ST8SIA4: variants seen among roughly 807,000 people sequenced by gnomAD.
The protein encoded by ST8SIA4 is ST8 alpha-N-acetyl-neuraminide alpha-2,8-sialyltransferase 4, also known as CMP-N-acetylneuraminate-poly-alpha-2,8-sialyltransferase.
A neutral mutation model predicts 33.9 loss-of-function variants in ST8SIA4; 15 were observed. The ratio of observed to expected loss-of-function variants is 0.44; its 90% CI spans 0.30 to 0.68. ST8SIA4 has a LOEUF of 0.68. ST8SIA4 is among the 30% of genes least tolerant of loss of function. The pLI, the probability that ST8SIA4 is intolerant of heterozygous loss-of-function variation, is 0.10. For missense variants in ST8SIA4, 321 were observed against 428.0 expected, an observed-to-expected ratio of 0.75 and a Z score of 2.21; for synonymous variants, 171 against 151.2, an observed-to-expected ratio of 1.13 and a Z score of -0.96.
At position 100,902,950 on chromosome 5, in the gene ST8SIA4, G is replaced by A. The variant is rs775364364; in HGVS notation, c.6C>T (p.Arg2=). The change falls in exon 1 of 5, where the codon CGC becomes CGT. Residue 2 remains arginine, a synonymous_variant. Coordinates refer to ENST00000231461, the MANE Select transcript of ST8SIA4 (RefSeq NM_005668.6). M[R]SIRKRWTICT... ...AGATCGTCCACCTCTTCCTAATGGAGCGCATCTTGGGTGCCCGAGAAAGTC... is the reference window on the plus strand; with the variant it reads ...AGATCGTCCACCTCTTCCTAATGGAACGCATCTTGGGTGCCCGAGAAAGTC... 12 of 1,613,946 alleles carry A rather than the reference G, an allele frequency of 7.4e-6. No homozygotes were observed. The highest frequency in any genetic ancestry group is 1.7e-5 in the Admixed American group (1 of 60,026).
intron 3 of ST8SIA4, among the ~76,000 whole-genome samples, chr5:100,867,503 G>A (rs1297874174): frequency 2.6e-5 from 4 of 151,954 alleles, no homozygotes; most frequent in African/African-American, 9.7e-5. Flanking sequence ...ACCCATGATA[G>A]AAAACTAAGG....
rs1750728646 is a variant in ST8SIA4, at chr5:100,807,939, A to G, written c.*3908T>C. 2.0e-5 allele frequency: 3 copies of G among 152,558 alleles called. No homozygotes were observed. Among genetic ancestry groups the G allele is most frequent in the African/African-American group, 7.2e-5 (3 of 41,444 alleles). The allele number at this position is 152,558 out of a possible 1,614,324, so 9.5% of individuals were successfully genotyped here. On this transcript the variant is annotated 3_prime_UTR_variant, in exon 5 of 5. Coordinates refer to ENST00000231461, the MANE Select transcript of ST8SIA4 (RefSeq NM_005668.6). The stretch of plus-strand genomic sequence containing the variant: ...GCTTTATTTGGATTTTCTTTCATCA[A>G]ATACAAATAATAACCCTCACTCAAT...
chr5:100,893,657 C>T (rs939822794), intron 2 of ST8SIA4, among the ~76,000 whole-genome samples: 41 of 151,990 alleles, frequency 2.7e-4, no homozygotes, highest in Non-Finnish European at 5.0e-4. Flanking sequence ...TTTTATATAG[C>T]TATTAGGAAA....
intron 3 of ST8SIA4, among the ~76,000 whole-genome samples, chr5:100,859,164 CATT>C (rs1253723036): frequency 2.0e-5 from 3 of 152,042 alleles, no homozygotes; most frequent in Non-Finnish European, 2.9e-5. Flanking sequence ...AGCATCCAAA[CATT>C]ACTAGCAGCA....
At chr5:100,873,420 A>T (rs1478776585) in intron 3 of ST8SIA4, among the ~76,000 whole-genome samples, 3 of 152,114 alleles carry the variant, frequency 2.0e-5, no homozygotes, top group South Asian at 2.1e-4. Context: ...ACAAAAAAAA[A>T]TGTTATGTAG....
chr5:100,876,207 T>C (rs1463087528), intron 3 of ST8SIA4, among the ~76,000 whole-genome samples: 3 of 152,118 alleles, frequency 2.0e-5, no homozygotes, highest in Non-Finnish European at 4.4e-5. Context: ...CATTCTTTCA[T>C]ACAGAATCTC....
At chr5:100,885,544 T>C (rs962182932) in intron 3 of ST8SIA4, 7 of 931,444 alleles carry the variant, frequency 7.5e-6, no homozygotes, top group Non-Finnish European at 9.0e-6. Flanking sequence ...TCTATCTATC[T>C]TTATATTGTA....
chr5:100,897,252 T>C (rs931352680), intron 1 of ST8SIA4, among the ~76,000 whole-genome samples: 13 of 152,122 alleles, frequency 8.5e-5, no homozygotes, highest in African/African-American at 2.9e-4. Flanking sequence ...TCATGTGGCA[T>C]GGTACTAGCT....
Position 100,881,687 on chromosome 5 carries a change from A to G in ST8SIA4, c.503+4656T>C, listed in dbSNP as rs1478560692. On this transcript the variant is annotated intron_variant, in intron 3 of 4. Transcript: ENST00000231461. ...GGTCCCCACCCAAATCTCATCTTGC[A>G]TTGTATTCCCATAATTCCCACATAT... Among the ~76,000 whole-genome samples the G allele has an allele frequency of 3.3e-5, 5 of 152,204 alleles. No homozygotes were observed. In the South Asian group the frequency reaches 6.2e-4, roughly 19 times the overall value.
chr5:100,815,109 A>C (rs969198376), intron 4 of ST8SIA4, among the ~76,000 whole-genome samples: 5 of 151,932 alleles, frequency 3.3e-5, no homozygotes, highest in African/African-American at 1.2e-4. Flanking sequence ...AATTTAGCAA[A>C]ATTTTACATT....
At chr5:100,822,886 C>T (rs544152725) in intron 4 of ST8SIA4, among the ~76,000 whole-genome samples, 7 of 152,244 alleles carry the variant, frequency 4.6e-5, no homozygotes, top group Non-Finnish European at 7.4e-5. Context: ...AATCCCAGCA[C>T]TTTGGGAGAC....
chr5:100,816,012 G>C (rs973779529), intron 4 of ST8SIA4, among the ~76,000 whole-genome samples: 1 of 152,140 alleles, frequency 6.6e-6, no homozygotes, highest in African/African-American at 2.4e-5. Flanking sequence ...TTATTGGCTG[G>C]ACAATTGTGG....
intron 4 of ST8SIA4, among the ~76,000 whole-genome samples, chr5:100,840,246 A>T (rs1024032352): frequency 1.3e-5 from 2 of 151,786 alleles, no homozygotes; most frequent in Non-Finnish European, 1.5e-5. Context: ...TTTTAACAAG[A>T]TTGTAGTGCT....
chr5:100,852,903 C>A (rs1751735631), intron 4 of ST8SIA4, among the ~76,000 whole-genome samples: 2 of 152,158 alleles, frequency 1.3e-5, no homozygotes, highest in African/African-American at 4.8e-5. Flanking sequence ...TCTTGTTTTA[C>A]AAATCACTGA....
intron 4 of ST8SIA4, among the ~76,000 whole-genome samples, chr5:100,814,752 C>T (rs986360904): frequency 3.9e-5 from 6 of 151,904 alleles, no homozygotes; most frequent in East Asian, 1.9e-4. Context: ...TATTGCAATT[C>T]GGTATTAAAC....
chr5:100,882,580 G>A (rs948498911), intron 3 of ST8SIA4, among the ~76,000 whole-genome samples: 3 of 152,226 alleles, frequency 2.0e-5, no homozygotes, highest in Non-Finnish European at 4.4e-5. Flanking sequence ...AGACAATGGG[G>A]AAAATGTCTC....
intron 4 of ST8SIA4, among the ~76,000 whole-genome samples, chr5:100,853,783 C>A (rs909689183): frequency 2.0e-5 from 3 of 152,118 alleles, no homozygotes; most frequent in Non-Finnish European, 4.4e-5. Flanking sequence ...TGAAAATGCA[C>A]TACTGCAGTC....
At chr5:100,824,173 C>T (rs1751092058) in intron 4 of ST8SIA4, among the ~76,000 whole-genome samples, 1 of 152,076 alleles carries the variant, frequency 6.6e-6, no homozygotes, top group Non-Finnish European at 1.5e-5. Context: ...GTATTATTGA[C>T]CATCTGTTTC....
At chr5:100,896,767 AAC>A (rs1442593927) in intron 1 of ST8SIA4, among the ~76,000 whole-genome samples, 1 of 152,182 alleles carries the variant, frequency 6.6e-6, no homozygotes, top group East Asian at 1.9e-4. Context: ...CTGTTTAGAC[AAC>A]AGAGACAGAA....
Sources: gnomAD v4.1 joint callset for allele counts (sites outside exome capture counted in the v4.1 genomes callset) on GRCh38, gnomAD v4.1.1 for gene constraint, MANE v1.5 for transcripts, NCBI Gene and HGNC (gene_info 2026-07-23, HGNC 2026-07-21) for gene names.